The following CYP3A7 variants were observed in gnomAD, a reference collection of about 807,000 sequenced individuals.
CYP3A7 encodes the protein cytochrome P450 3A7.
A neutral mutation model predicts 55.2 loss-of-function variants in CYP3A7; 45 were observed. The ratio of observed to expected loss-of-function variants is 0.82; its 90% CI spans 0.64 to 1.05. The LOEUF (loss-of-function observed/expected upper bound fraction) is 1.05, where lower values mean the gene tolerates loss of function less well. CYP3A7 is among the 50% of genes least tolerant of loss of function. The pLI, the probability that CYP3A7 is intolerant of heterozygous loss-of-function variation, is 0.00. For synonymous variants in CYP3A7, 180 were observed against 207.4 expected (o/e 0.87, Z 1.13); for missense variants, 548 against 605.3 (o/e 0.91, Z 0.99).
chr7:99,716,043 C>A (rs1813933655), intron 6 of CYP3A7, 137 bp from the exon 7 acceptor site: 3 of 1,538,316 alleles, frequency 2.0e-6, no homozygotes, highest in Admixed American at 1.8e-5. Flanking sequence ...ACTGGAGCAT[C>A]TCCCATCACA....
intron 2 of CYP3A7, among the ~76,000 whole-genome samples, chr7:99,729,186 G>A (rs1365955993): frequency 6.6e-6 from 1 of 151,854 alleles, no homozygotes; most frequent in Non-Finnish European, 1.5e-5. Context: ...TCTGTTATTC[G>A]GGACTTGTGT....
intron 4 of CYP3A7, among the ~76,000 whole-genome samples, chr7:99,719,776 A>G (rs987401935): frequency 6.6e-6 from 1 of 152,138 alleles, no homozygotes; most frequent in African/African-American, 2.4e-5. Flanking sequence ...ATAAATTTGC[A>G]TAGAACTACC....
At chr7:99,711,076 A>G (rs1188166283) in intron 9 of CYP3A7, among the ~76,000 whole-genome samples, 184 bp from the exon 10 acceptor site, 2 of 152,126 alleles carry the variant, frequency 1.3e-5, no homozygotes, top group African/African-American at 2.4e-5. Flanking sequence ...AAGGCAAATC[A>G]TTTTAATCCA....
At position 99,708,169 on chromosome 7, in the gene CYP3A7, C is replaced by T. The variant is rs190298536; in HGVS notation, c.1254-195G>A. Among the ~76,000 whole-genome samples the T allele has an allele frequency of 3.3e-5, 5 of 152,236 alleles. No individual in the cohort carries two copies. The East Asian group carries it at 7.7e-4, about 23-fold the overall frequency. ...GTACAGATCCTTTCTACTCTCCTTA[C>T]ATTATAGGAGCTTTCAGTCTTGTTG... On this transcript the variant is annotated intron_variant, in intron 11 of 12. Transcript: ENST00000336374.
chr7:99,713,616 C>T, intron 8 of CYP3A7, 81 bp from the exon 9 acceptor site: 2 of 1,596,020 alleles, frequency 1.3e-6, no homozygotes, highest in East Asian at 4.5e-5. Context: ...TCCTCAACCT[C>T]CCTTCTGAGA....
intron 12 of CYP3A7, among the ~76,000 whole-genome samples, chr7:99,707,440 A>G (rs1174905721): frequency 6.6e-6 from 1 of 152,228 alleles, no homozygotes; most frequent in Non-Finnish European, 1.5e-5. Context: ...GAAAACTTCT[A>G]CAAGTTCTGG....
chr7:99,719,543 A>G (rs1814100959), intron 4 of CYP3A7, among the ~76,000 whole-genome samples: 1 of 152,242 alleles, frequency 6.6e-6, no homozygotes, highest in Admixed American at 6.5e-5. Flanking sequence ...TTGGCAATAT[A>G]GGAAGGAGGG....
At chr7:99,712,542 A>G (rs957369621) in intron 9 of CYP3A7, among the ~76,000 whole-genome samples, 1 of 152,230 alleles carries the variant, frequency 6.6e-6, no homozygotes, top group African/African-American at 2.4e-5. Context: ...TAGATGAAAC[A>G]CTAAAACAGT....
chr7:99,713,493 A>T lies in CYP3A7; in HGVS notation c.841T>A (p.Ser281Thr), dbSNP rs1215404191. Residue 281 changes from serine (S) to threonine (T), a missense_variant, in exon 9 of 13, where the codon TCA becomes ACA. Physicochemically the swap from Ser to Thr is moderately conservative, Grantham distance 58. Coordinates refer to ENST00000336374, the MANE Select transcript of CYP3A7 (RefSeq NM_000765.5). The part of the protein sequence containing the change: ...FLQLMIDSQN[S>T]KDSETHKALS... ...CCTTTGTGGGTCTCAGAGTCTTTTG[A>T]ATTCTGAGAGTCAATCATCAGCTGA... 3 of 1,613,466 alleles carry T rather than the reference A, an allele frequency of 1.9e-6. No homozygotes were observed. The highest frequency in any genetic ancestry group is 2.5e-6 in the Non-Finnish European group (3 of 1,179,554).
Position 99,706,647 on chromosome 7 carries a change from T to G in CYP3A7, c.1417-1052A>C, listed in dbSNP as rs150173992. ...AAATCTTTCTATAAATATAACACAT[T>G]ATTTAAAAATTTTCAAAAGGCATGA... On this transcript the variant is annotated intron_variant, in intron 12 of 12. Coordinates refer to ENST00000336374, the MANE Select transcript of CYP3A7 (RefSeq NM_000765.5). Among the ~76,000 whole-genome samples the G allele has an allele frequency of 1.4e-4, 21 of 152,282 alleles. 2 individuals are homozygous for G. The East Asian group carries it at 4.1e-3, about 30-fold the overall frequency.
intron 7 of CYP3A7, among the ~76,000 whole-genome samples, chr7:99,714,980 G>T (rs1015530443): frequency 2.6e-5 from 4 of 152,178 alleles, no homozygotes; most frequent in East Asian, 1.9e-4. Flanking sequence ...TTGGGCTAGG[G>T]TCTCTTAGGA....
chr7:99,724,092 CT>C (rs1814316660), intron 2 of CYP3A7, among the ~76,000 whole-genome samples: 1 of 152,096 alleles, frequency 6.6e-6, no homozygotes, highest in Non-Finnish European at 1.5e-5. Flanking sequence ...CAAGTACCAT[CT>C]CCCCTCTCTC....
Position 99,707,983 on chromosome 7 carries a change from A to G in CYP3A7, c.1254-9T>C. On this transcript the variant is annotated splice_polypyrimidine_tract_variant and intron_variant, in intron 11 of 12. Coordinates refer to ENST00000336374, the MANE Select transcript of CYP3A7 (RefSeq NM_000765.5). ...TGTTCTTTTTACTGAACCTGGTTCC[A>G]TATTGGTAGATATTTTAAAAGTTAA... 1.2e-6 allele frequency: 2 copies of G among 1,613,706 alleles called. No homozygotes were observed. The highest frequency in any genetic ancestry group is 2.2e-5 in the East Asian group (1 of 44,834).
chr7:99,724,241 C>T (rs1200377482), intron 2 of CYP3A7, among the ~76,000 whole-genome samples: 5 of 152,198 alleles, frequency 3.3e-5, no homozygotes, highest in Non-Finnish European at 7.4e-5. Context: ...TGACCTAAAA[C>T]CTAAATGCCT....
At position 99,734,197 on chromosome 7, in the gene CYP3A7, C is replaced by T. The variant is rs552771807; in HGVS notation, c.71+826G>A. On this transcript the variant is annotated intron_variant, in intron 1 of 12. Coordinates refer to ENST00000336374, the MANE Select transcript of CYP3A7 (RefSeq NM_000765.5). ...TAACTTTTCTGTGAAAGAATTAAAA[C>T]GAGGTTTGTATTTTCTGTTTCCATG... Among the ~76,000 whole-genome samples the T allele has an allele frequency of 3.9e-5, 6 of 152,278 alleles. No homozygotes were observed. The South Asian group carries it at 1.0e-3, about 26-fold the overall frequency.
chr7:99,728,808 G>T (rs1252210612), intron 2 of CYP3A7, among the ~76,000 whole-genome samples: 3 of 152,016 alleles, frequency 2.0e-5, no homozygotes, highest in African/African-American at 2.4e-5. Context: ...GGAATAGCAG[G>T]TATTTCAACT....
chr7:99,713,261 A>G lies in CYP3A7; in HGVS notation c.865+208T>C, dbSNP rs144115965. Among the ~76,000 whole-genome samples, 714 of 152,284 alleles carry G rather than the reference A, an allele frequency of 4.7e-3. 5 individuals are homozygous for G. The highest frequency in any genetic ancestry group is 0.016 in the African/African-American group (661 of 41,568). On this transcript the variant is annotated intron_variant, in intron 9 of 12. Transcript: ENST00000336374. ...TCTTCCTGGCATGCCAGTTTTCCTTAGGGTTGCCCTTTAAGCTTAGAACAT... is the reference window on the plus strand; with the variant it reads ...TCTTCCTGGCATGCCAGTTTTCCTTGGGGTTGCCCTTTAAGCTTAGAACAT...
rs1421352133 is a variant in CYP3A7 at position 99,735,060 on chromosome 7, A to C, written c.34T>G (p.Trp12Gly). 6.2e-7 allele frequency: 1 copy of C among 1,614,012 alleles called. No individual in the cohort carries two copies. Among genetic ancestry groups the C allele is most frequent in the African/African-American group, 1.3e-5 (1 of 74,938 alleles). Residue 12 changes from tryptophan (W) to glycine (G), a missense_variant, in exon 1 of 13, where the codon TGG becomes GGG. Transcript: ENST00000336374. ...DLIPNLAVET[W>G]LLLAVSLILL... The stretch of plus-strand genomic sequence containing the variant: ...ATCAGGCTGACAGCCAGGAGAAGCC[A>C]GGTTTCCACGGCCAAGTTTGGGATG...
intron 2 of CYP3A7, among the ~76,000 whole-genome samples, chr7:99,723,323 C>T (rs1364297854): frequency 3.3e-5 from 5 of 152,318 alleles, no homozygotes; most frequent in Middle Eastern, 3.4e-3. Flanking sequence ...GACCTCGTGA[C>T]ATTCTTCTTC....
Sources: gnomAD v4.1 joint callset for allele counts (sites outside exome capture counted in the v4.1 genomes callset) on GRCh38, gnomAD v4.1.1 for gene constraint, MANE v1.5 for transcripts, NCBI Gene and HGNC (gene_info 2026-07-23, HGNC 2026-07-21) for gene names.